Variants in PTPRG observed in about 807,000 individuals in gnomAD.
The protein encoded by PTPRG is receptor-type tyrosine-protein phosphatase gamma.
PTPRG carries 102 observed loss-of-function variants against 165.3 expected under a neutral mutation model. The ratio of observed to expected loss-of-function variants is 0.62; its 90% CI spans 0.53 to 0.73. PTPRG has a LOEUF of 0.73. Ranked by LOEUF, PTPRG falls within the 30% of genes least tolerant of loss-of-function variation. The pLI, the probability that PTPRG is intolerant of heterozygous loss-of-function variation, is 0.00. For synonymous variants in PTPRG, 675 were observed against 669.5 expected (o/e 1.01, Z -0.13); for missense variants, 1,866 against 1,861.4 (o/e 1.00, Z -0.05).
intron 5 of PTPRG, chr3:62,124,454 C>T (rs1388980803): frequency 3.7e-6 from 6 of 1,613,634 alleles, no homozygotes; most frequent in Admixed American, 1.7e-5. Flanking sequence ...CTGGGGGATG[C>T]TGGGCACCAG....
At chr3:61,995,678 GCCCGCCTTCCTT>G (rs1329595741) in intron 3 of PTPRG, among the ~76,000 whole-genome samples, 1 of 92,310 alleles carries the variant, frequency 1.1e-5, no homozygotes, top group Non-Finnish European at 2.3e-5. Context: ...CTGCCTGCCC[GCCCGCCTTCCTT>G]CCTTCCTTCC....
chr3:61,736,643 C>T (rs1326347185), intron 1 of PTPRG, among the ~76,000 whole-genome samples: 1 of 152,086 alleles, frequency 6.6e-6, no homozygotes, highest in South Asian at 2.1e-4. Flanking sequence ...ACTTTTTCTT[C>T]CAGGAGCACT....
chr3:62,276,475 T>C (rs1054601741), intron 24 of PTPRG: 1 of 159,476 alleles, frequency 6.3e-6, no homozygotes, highest in East Asian at 1.9e-4. Flanking sequence ...TTTGTATAAA[T>C]AGCTAAGGAC....
intron 6 of PTPRG, among the ~76,000 whole-genome samples, chr3:62,141,433 CAA>C (rs1467304627): frequency 6.6e-6 from 1 of 152,018 alleles, no homozygotes; most frequent in Non-Finnish European, 1.5e-5. Context: ...TTTATCTCTA[CAA>C]AAAAGTAAAC....
chr3:61,651,174 C>T (rs1163268359), intron 1 of PTPRG, among the ~76,000 whole-genome samples: 2 of 150,414 alleles, frequency 1.3e-5, no homozygotes, highest in Non-Finnish European at 3.0e-5. Flanking sequence ...TTTCTATATA[C>T]TACCAGATGG....
chr3:61,772,806 C>T (rs750414454), intron 2 of PTPRG, among the ~76,000 whole-genome samples: 3 of 152,126 alleles, frequency 2.0e-5, no homozygotes, highest in Non-Finnish European at 4.4e-5. Flanking sequence ...TGTGCTGGTG[C>T]GTTTATTTTT....
chr3:62,044,022 A>G (rs1434475412), intron 4 of PTPRG, among the ~76,000 whole-genome samples: 2 of 152,228 alleles, frequency 1.3e-5, no homozygotes, highest in Admixed American at 6.5e-5. Context: ...TTTTGCTCCC[A>G]ATGATAATGG....
In PTPRG at chr3:61,749,071, C is replaced by A. The variant is rs758137328; in HGVS notation, c.190+89C>A. The stretch of plus-strand genomic sequence containing the variant: ...AAGCACACTTTGAATCACTTTTATG[C>A]CTGAGTTCTGTTTGCTCAAATCTTT... On this transcript the variant is annotated intron_variant, in intron 2 of 29. Transcript: ENST00000474889. The A allele has an allele frequency of 2.0e-5, 21 of 1,045,286 alleles. No homozygotes were observed. In the East Asian group the frequency reaches 4.0e-4, roughly 20 times the overall value. The allele number at this position is 1,045,286 out of a possible 1,614,324, so 64.8% of individuals were successfully genotyped here.
In PTPRG at chr3:61,736,107, C is replaced by T. The variant is rs187263904; in HGVS notation, c.86-12771C>T. 1.8e-4 allele frequency among the ~76,000 whole-genome samples: 27 copies of T among 152,024 alleles called. No homozygotes were observed. In the East Asian group the frequency reaches 4.7e-3, roughly 26 times the overall value. Reference sequence around the variant, plus strand: ...TATTTTAGTAGAGATGGGGTTTCACCATGTTACCCAGGCTGGTCTCAAACT... The same window carrying T: ...TATTTTAGTAGAGATGGGGTTTCACTATGTTACCCAGGCTGGTCTCAAACT... On this transcript the variant is annotated intron_variant, in intron 1 of 29. Coordinates refer to ENST00000474889, the MANE Select transcript of PTPRG (RefSeq NM_002841.4).
chr3:62,041,111 G>A (rs751054594), intron 4 of PTPRG, among the ~76,000 whole-genome samples: 19 of 152,188 alleles, frequency 1.2e-4, no homozygotes, highest in Non-Finnish European at 2.9e-5. Context: ...TGGTGGTTGT[G>A]AGAATTAAAG....
At chr3:61,942,558 A>T (rs2039656947) in intron 2 of PTPRG, among the ~76,000 whole-genome samples, 1 of 152,218 alleles carries the variant, frequency 6.6e-6, no homozygotes, top group African/African-American at 2.4e-5. Flanking sequence ...ATCTTATTTA[A>T]TTCTCCTAAC....
At chr3:62,026,653 A>G (rs2041809424) in intron 4 of PTPRG, among the ~76,000 whole-genome samples, 1 of 152,102 alleles carries the variant, frequency 6.6e-6, no homozygotes. Context: ...TTGGGAGGCC[A>G]AGGTCGGTGG....
intron 2 of PTPRG, among the ~76,000 whole-genome samples, chr3:61,887,123 C>CATATATATATATATATATAT (rs148352398): frequency 1.9e-4 from 16 of 85,932 alleles, no homozygotes; most frequent in East Asian, 8.6e-4. Flanking sequence ...CCATAGCATG[C>CATATATATATATATATATAT]ATATATATAT....
At chr3:61,985,525 C>T (rs1453032051) in intron 2 of PTPRG, among the ~76,000 whole-genome samples, 4 of 152,158 alleles carry the variant, frequency 2.6e-5, no homozygotes, top group African/African-American at 9.7e-5. Context: ...CTTACAGCTA[C>T]CCTTTGGTAT....
intron 1 of PTPRG, among the ~76,000 whole-genome samples, chr3:61,716,974 C>T (rs947932059): frequency 4.6e-5 from 7 of 151,918 alleles, no homozygotes; most frequent in Non-Finnish European, 8.8e-5. Context: ...TCCATGTCAA[C>T]AAAAAATAAA....
At chr3:61,856,435 AC>A (rs1313142457) in intron 2 of PTPRG, among the ~76,000 whole-genome samples, 1 of 152,216 alleles carries the variant, frequency 6.6e-6, no homozygotes, top group Non-Finnish European at 1.5e-5. Flanking sequence ...AGAAACAGTT[AC>A]ATGGAAACGA....
intron 1 of PTPRG, among the ~76,000 whole-genome samples, chr3:61,665,844 T>G (rs571533745): frequency 8.5e-5 from 13 of 152,310 alleles, no homozygotes; most frequent in African/African-American, 3.1e-4. Flanking sequence ...GAAAAGATTT[T>G]GTTTTTCTAA....
At chr3:61,979,664 G>GTATT (rs1414261136) in intron 2 of PTPRG, among the ~76,000 whole-genome samples, 11 of 152,212 alleles carry the variant, frequency 7.2e-5, no homozygotes, top group Non-Finnish European at 1.6e-4. Flanking sequence ...TTAAAATCAA[G>GTATT]TATTCACAGT....
chr3:61,693,077 G>GA (rs992802280), intron 1 of PTPRG, among the ~76,000 whole-genome samples: 2 of 151,836 alleles, frequency 1.3e-5, no homozygotes, highest in Admixed American at 6.6e-5. Context: ...GAATAAAAAT[G>GA]AAAAAAAGAT....
Sources: gnomAD v4.1 joint callset for allele counts (sites outside exome capture counted in the v4.1 genomes callset) on GRCh38, gnomAD v4.1.1 for gene constraint, MANE v1.5 for transcripts, NCBI Gene and HGNC (gene_info 2026-07-23, HGNC 2026-07-21) for gene names.